ANKS1A: variants seen among roughly 807,000 people sequenced by gnomAD.
The protein encoded by ANKS1A is ankyrin repeat and SAM domain-containing protein 1A.
Under a neutral mutation model 120.3 loss-of-function variants are expected in ANKS1A, and 55 were observed. The ratio of observed to expected loss-of-function variants is 0.46; its 90% confidence interval spans 0.37 to 0.57. The LOEUF is 0.57. ANKS1A is among the 20% of genes least tolerant of loss of function. ANKS1A has a pLI of 0.00. For synonymous variants in ANKS1A, 590 were observed against 604.7 expected (o/e 0.98, Z 0.36); for missense variants, 1,123 against 1,480.3 (o/e 0.76, Z 3.96).
At chr6:35,024,468 A>G (rs893111726) in intron 11 of ANKS1A, among the ~76,000 whole-genome samples, 1 of 152,240 alleles carries the variant, frequency 6.6e-6, no homozygotes, top group Non-Finnish European at 1.5e-5. Context: ...AAAGGCTTAA[A>G]TGATAAATTT....
At chr6:35,001,840 A>G (rs577318354) in intron 10 of ANKS1A, among the ~76,000 whole-genome samples, 2 of 152,204 alleles carry the variant, frequency 1.3e-5, no homozygotes, top group African/African-American at 4.8e-5. Context: ...GAAAAAAAAA[A>G]TGGCAGTTGG....
In ANKS1A at chr6:34,953,059, C is replaced by T. The variant is rs148669799; in HGVS notation, c.198-14180C>T. 6.8e-4 allele frequency among the ~76,000 whole-genome samples: 104 copies of T among 152,294 alleles called. 1 individual carries two copies. Among genetic ancestry groups the T allele is most frequent in the Non-Finnish European group, 4.6e-4 (31 of 68,018 alleles). Reference sequence around the variant, plus strand: ...CCACTTAAAAACAATAATTTTGACACATCTTAAATAGTTAGGTCTCCTCAT... The same window carrying T: ...CCACTTAAAAACAATAATTTTGACATATCTTAAATAGTTAGGTCTCCTCAT... On this transcript the variant is annotated intron_variant, in intron 1 of 23. Transcript: ENST00000360359.
At chr6:34,975,031 A>G (rs540172158) in intron 3 of ANKS1A, among the ~76,000 whole-genome samples, 179 of 152,322 alleles carry the variant, frequency 1.2e-3, no homozygotes, top group African/African-American at 4.1e-3. Flanking sequence ...TTGAAAGTAC[A>G]TTTTCCTATC....
In ANKS1A at chr6:34,981,743, G is replaced by A. The variant is rs1450313535; in HGVS notation, c.489G>A (p.Glu163=). The change falls in exon 4 of 24, where the codon GAG becomes GAA. Residue 163 remains glutamate (E), a synonymous_variant. Coordinates refer to ENST00000360359, the MANE Select transcript of ANKS1A (RefSeq NM_015245.3). ...LHCAAQYGHT[E]VVKVLLEELT... is the part of the protein sequence containing the mutation. ...GTGCAGCGCAGTATGGCCACACAGAGGTGGTGAAGGTGCTCTTAGAGGAGC... is the reference window on the plus strand; with the variant it reads ...GTGCAGCGCAGTATGGCCACACAGAAGTGGTGAAGGTGCTCTTAGAGGAGC... 2 of 1,614,084 alleles carry A rather than the reference G, an allele frequency of 1.2e-6. No individual in the cohort carries two copies. The highest frequency in any genetic ancestry group is 1.7e-6 in the Non-Finnish European group (2 of 1,180,048).
At chr6:34,899,244 A>G (rs1471188335) in intron 1 of ANKS1A, among the ~76,000 whole-genome samples, 1 of 152,180 alleles carries the variant, frequency 6.6e-6, no homozygotes, top group Non-Finnish European at 1.5e-5. Flanking sequence ...GGACTTTTTA[A>G]TGGTTAACTT....
At chr6:35,087,164 C>G (rs1260946111) in intron 23 of ANKS1A, 115 bp downstream of exon 23, 2 of 1,072,604 alleles carry the variant, frequency 1.9e-6, no homozygotes, top group African/African-American at 1.5e-5. Context: ...CTGCTGATGC[C>G]AAGGCCCCAC....
chr6:34,951,588 A>G (rs1231914931), intron 1 of ANKS1A, among the ~76,000 whole-genome samples: 1 of 152,234 alleles, frequency 6.6e-6, no homozygotes, highest in Non-Finnish European at 1.5e-5. Context: ...TGGTGTATAT[A>G]GGACCTAGAC....
chr6:34,979,595 G>T (rs183511416), intron 3 of ANKS1A, among the ~76,000 whole-genome samples: 293 of 147,062 alleles, frequency 2.0e-3, no homozygotes, highest in African/African-American at 4.5e-3. Flanking sequence ...TGTTTTTTTG[G>T]TTTTTTTTTT....
At chr6:34,942,714 G>T (rs1207093895) in intron 1 of ANKS1A, among the ~76,000 whole-genome samples, 1 of 151,070 alleles carries the variant, frequency 6.6e-6, no homozygotes, top group Non-Finnish European at 1.5e-5. Context: ...GTTTGGGATT[G>T]TGCATTGTAC....
intron 1 of ANKS1A, among the ~76,000 whole-genome samples, chr6:34,913,060 A>G (rs1767979676): frequency 6.6e-6 from 1 of 152,182 alleles, no homozygotes; most frequent in African/African-American, 2.4e-5. Context: ...GTTCTGTGTT[A>G]GGCCCTGTGT....
Position 35,017,977 on chromosome 6 carries a change from G to A in ANKS1A, c.1928G>A (p.Ser643Asn). 2 of 1,614,220 alleles carry A rather than the reference G, an allele frequency of 1.2e-6. No homozygotes were observed. Among genetic ancestry groups the A allele is most frequent in the Non-Finnish European group, 1.7e-6 (2 of 1,180,042 alleles). The change falls in exon 11 of 24, where the codon AGT (serine) becomes AAT (asparagine). Residue 643 changes from serine to asparagine, a missense_variant. Ser to Asn is a conservative substitution (Grantham distance 46, BLOSUM62 1). This residue lies in a region of ANKS1A where 904 missense variants were observed against 1,130.4 expected (regional missense o/e 0.80). Coordinates refer to ENST00000360359, the MANE Select transcript of ANKS1A (RefSeq NM_015245.3). ...CSPTEDATMG[S>N]RSESLSNCSI... ...CCCACAGAGGACGCTACCATGGGGA[G>A]TCGGAGTGAGTCCTTATCCAACTGC...
chr6:35,011,818 A>G (rs184190943), intron 10 of ANKS1A, among the ~76,000 whole-genome samples: 19 of 152,324 alleles, frequency 1.2e-4, no homozygotes, highest in Admixed American at 2.0e-4. Flanking sequence ...AAAAATGGTG[A>G]TAATGATAGC....
intron 1 of ANKS1A, among the ~76,000 whole-genome samples, chr6:34,929,030 A>G (rs981754308): frequency 2.0e-5 from 3 of 152,148 alleles, no homozygotes; most frequent in African/African-American, 7.2e-5. Context: ...CTGTTTACTA[A>G]AGATATTATG....
rs1258054055 is a variant in ANKS1A at position 35,084,289 on chromosome 6, G to A, written c.3132+31G>A. 1 of 1,610,850 alleles carries A rather than the reference G, an allele frequency of 6.2e-7. No homozygotes were observed. Among genetic ancestry groups the A allele is most frequent in the African/African-American group, 1.3e-5 (1 of 74,904 alleles). ...TGGGGTCCTGGGGCCGGGTGGGGCA[G>A]GCTTGGGTTGCAGCCCTGAGGCGTC... On this transcript the variant is annotated intron_variant, in intron 21 of 23. Coordinates refer to ENST00000360359, the MANE Select transcript of ANKS1A (RefSeq NM_015245.3). This position sits in a 1 kb window ranked among gnomAD's most constrained non-coding sequence, Gnocchi z 4.8.
chr6:34,985,382 T>G lies in ANKS1A; in HGVS notation c.1209+104T>G, dbSNP rs370378950. ...AAGTGTGATCCCTGGTGCCAGCTCATGTTTCCGGGGCCTGGAGCCCACTTA... is the reference window on the plus strand; with the variant it reads ...AAGTGTGATCCCTGGTGCCAGCTCAGGTTTCCGGGGCCTGGAGCCCACTTA... On this transcript the variant is annotated intron_variant, in intron 8 of 23. Transcript: ENST00000360359. The G allele has an allele frequency of 4.0e-4, 476 of 1,191,810 alleles. 2 individuals carry two copies. The highest frequency in any genetic ancestry group is 1.2e-3 in the South Asian group (82 of 66,474). 73.8% of individuals were successfully genotyped at this position (1,191,810 alleles called of 1,614,324 possible).
chr6:34,963,043 G>T (rs932555944), intron 1 of ANKS1A, among the ~76,000 whole-genome samples: 2 of 151,366 alleles, frequency 1.3e-5, no homozygotes, highest in African/African-American at 4.9e-5. Flanking sequence ...TGTATTTTTA[G>T]TAGAGGCGGG....
chr6:34,992,983 T>C (rs9394267), intron 9 of ANKS1A, among the ~76,000 whole-genome samples: 18,944 of 152,168 alleles, frequency 0.12, 1,337 homozygotes, highest in East Asian at 0.34. Flanking sequence ...CATGTCAGTA[T>C]GGAAGGAAAT....
rs1341990434 is a variant in ANKS1A at position 34,889,931 on chromosome 6, G to T, written c.197+332G>T. On this transcript the variant is annotated intron_variant, in intron 1 of 23. Transcript: ENST00000360359. This position sits in a 1 kb window ranked among gnomAD's most constrained non-coding sequence, Gnocchi z 5.5. ...CGTAGCTCACAAAAGCCAATTAAGA[G>T]CAAATATGTATATCTTATATATATA... 1.4e-5 allele frequency among the ~76,000 whole-genome samples: 2 copies of T among 143,182 alleles called. No homozygotes were observed. Among genetic ancestry groups the T allele is most frequent in the Non-Finnish European group, 3.0e-5 (2 of 67,478 alleles). The allele number at this position is 143,182 out of a possible 152,430, so 93.9% of individuals were successfully genotyped here. A position where few individuals can be genotyped will look rare whatever the true frequency, so the allele number is the denominator to read the frequency against.
intron 11 of ANKS1A, among the ~76,000 whole-genome samples, chr6:35,027,513 TA>T (rs2127566692): frequency 6.6e-6 from 1 of 152,306 alleles, no homozygotes; most frequent in South Asian, 2.1e-4. Context: ...CAGAGAAGTT[TA>T]ATTTGTTTAG....
Sources: gnomAD v4.1 joint callset for allele counts (sites outside exome capture counted in the v4.1 genomes callset) on GRCh38, gnomAD v4.1.1 for gene constraint, gnomAD v4.1.1 regional missense constraint, Gnocchi (gnomAD v3.1) non-coding constraint, MANE v1.5 for transcripts, NCBI Gene and HGNC (gene_info 2026-07-23, HGNC 2026-07-21) for gene names.